Variants in MYO1C observed in about 807,000 individuals in gnomAD.
MYO1C encodes the protein unconventional myosin-Ic.
MYO1C carries 104 observed loss-of-function variants against 150.8 expected under a neutral mutation model. That is an observed-to-expected ratio of 0.69 (90% confidence interval 0.59 to 0.81). The LOEUF is 0.81. Ranked by LOEUF, MYO1C falls within the 30% of genes least tolerant of loss-of-function variation. MYO1C has a pLI of 0.00. For synonymous variants in MYO1C, 663 were observed against 579.9 expected (o/e 1.14, Z -2.06); for missense variants, 1,504 against 1,435.0 (o/e 1.05, Z -0.78).
chr17:1,478,326 G>T lies in MYO1C; in HGVS notation c.1295+84C>A. On this transcript the variant is annotated intron_variant, in intron 11 of 31. Coordinates refer to ENST00000648651, the MANE Select transcript of MYO1C (RefSeq NM_001080779.2). The surrounding 1 kb of genome is among the most constrained non-coding windows in gnomAD (Gnocchi z 6.3). Reference sequence around the variant, plus strand: ...GTCCCCGGCTGGCTGGGGAGTCACAGGGCAGGAATGAGAGGCTGGAGGACA... The same window carrying T: ...GTCCCCGGCTGGCTGGGGAGTCACATGGCAGGAATGAGAGGCTGGAGGACA... 6.3e-7 allele frequency: 1 copy of T among 1,582,740 alleles called. No individual in the cohort carries two copies. Among genetic ancestry groups the T allele is most frequent in the Non-Finnish European group, 8.7e-7 (1 of 1,151,780 alleles).
At chr17:1,468,676 T>G (rs539594483) in intron 25 of MYO1C, 180 bp from the exon 26 acceptor site, 28 of 624,488 alleles carry the variant, frequency 4.5e-5, no homozygotes, top group African/African-American at 4.4e-4. Flanking sequence ...TTCCTGACCC[T>G]CTGCCGCCAC....
chr17:1,479,912 G>C lies in MYO1C; in HGVS notation c.907-207C>G, dbSNP rs941082468. ...TGTAATCCCAGCACTTTGGGAGGCTGAGGCGGGAGGATCATCTGAGGTCAG... is the reference window on the plus strand; with the variant it reads ...TGTAATCCCAGCACTTTGGGAGGCTCAGGCGGGAGGATCATCTGAGGTCAG... On this transcript the variant is annotated intron_variant, in intron 7 of 31. Transcript: ENST00000648651. The surrounding 1 kb of genome is among the most constrained non-coding windows in gnomAD (Gnocchi z 4.2). 2.0e-5 allele frequency among the ~76,000 whole-genome samples: 3 copies of C among 152,120 alleles called. No individual in the cohort carries two copies. Among genetic ancestry groups the C allele is most frequent in the Non-Finnish European group, 4.4e-5 (3 of 68,010 alleles).
Position 1,487,640 on chromosome 17 carries a change from G to C in MYO1C, c.76-3337C>G, listed in dbSNP as rs556185617. Reference sequence around the variant, plus strand: ...AGGTTTAAAATCTAGAGGGAGGGCCGGGCGCGGTGGCTCACGCCTGTAATC... The same window carrying C: ...AGGTTTAAAATCTAGAGGGAGGGCCCGGCGCGGTGGCTCACGCCTGTAATC... On this transcript the variant is annotated intron_variant, in intron 1 of 31. Coordinates refer to ENST00000648651, the MANE Select transcript of MYO1C (RefSeq NM_001080779.2). 2.0e-5 allele frequency among the ~76,000 whole-genome samples: 3 copies of C among 152,346 alleles called. No homozygotes were observed. The South Asian group carries it at 6.2e-4, about 32-fold the overall frequency.
chr17:1,473,438 C>T (rs931731880), intron 17 of MYO1C, among the ~76,000 whole-genome samples: 4 of 151,994 alleles, frequency 2.6e-5, no homozygotes, highest in African/African-American at 4.8e-5. Flanking sequence ...ACGCTAGGGC[C>T]GGGAGGATGT....
At chr17:1,473,070 G>A (rs1011390204) in intron 17 of MYO1C, among the ~76,000 whole-genome samples, 11 of 152,230 alleles carry the variant, frequency 7.2e-5, no homozygotes, top group African/African-American at 2.4e-4. Context: ...CACGATGGCG[G>A]GTACCTGTAA....
chr17:1,488,344 C>T (rs995305207), intron 1 of MYO1C, among the ~76,000 whole-genome samples: 8 of 152,220 alleles, frequency 5.3e-5, no homozygotes, highest in African/African-American at 9.6e-5. Flanking sequence ...GGCTCCAGCA[C>T]TGGCAACCCC....
chr17:1,491,455 C>CCA (rs1555524134), intron 1 of MYO1C: 1 of 157,886 alleles, frequency 6.3e-6, no homozygotes, highest in African/African-American at 2.7e-5. Context: ...GGACCCCCCC[C>CCA]CCCCGCACGG....
intron 25 of MYO1C, chr17:1,468,909 G>A (rs2074237596): frequency 3.1e-6 from 1 of 327,574 alleles, no homozygotes; most frequent in South Asian, 2.8e-5. Flanking sequence ...CCTGTAATCA[G>A]GGCAGATATC....
chr17:1,474,918 C>T lies in MYO1C; in HGVS notation c.1669+20G>A, dbSNP rs1445308806. ...GCCTCCCCGCAGGCCCCTGTGGGGACACAGCCCCAGGATCCTCACCGGTCA... is the reference window on the plus strand; with the variant it reads ...GCCTCCCCGCAGGCCCCTGTGGGGATACAGCCCCAGGATCCTCACCGGTCA... On this transcript the variant is annotated intron_variant, in intron 15 of 31. Transcript: ENST00000648651. 1.2e-6 allele frequency: 2 copies of T among 1,610,012 alleles called. No homozygotes were observed. Among genetic ancestry groups the T allele is most frequent in the South Asian group, 2.2e-5 (2 of 90,598 alleles).
At position 1,482,490 on chromosome 17, in the gene MYO1C, C is replaced by A; in HGVS notation, c.615G>T (p.Gln205His). ...ACATCCATGGTACCTTGAAGTCAAACTGCACATCCATGTACTTCCCGAACC... is the reference window on the plus strand; with the variant it reads ...ACATCCATGGTACCTTGAAGTCAAAATGCACATCCATGTACTTCCCGAACC... The part of the protein sequence containing the change: ...SSRFGKYMDV[Q>H]FDFKGAPVGG... The change falls in exon 5 of 32, where the codon CAG (glutamine) becomes CAT (histidine). Residue 205 changes from glutamine to histidine, a missense_variant. By Grantham distance (24) the Gln-to-His change is conservative. Coordinates refer to ENST00000648651, the MANE Select transcript of MYO1C (RefSeq NM_001080779.2). 6.2e-7 allele frequency: 1 copy of A among 1,614,040 alleles called. No homozygotes were observed. The highest frequency in any genetic ancestry group is 8.5e-7 in the Non-Finnish European group (1 of 1,179,934).
At chr17:1,480,207 G>A (rs1402623561) in intron 7 of MYO1C, among the ~76,000 whole-genome samples, 3 of 148,524 alleles carry the variant, frequency 2.0e-5, no homozygotes, top group East Asian at 2.0e-4. Flanking sequence ...AGCACTTTGA[G>A]AGGCTGAGGC....
In MYO1C at chr17:1,492,428, G is replaced by T; in HGVS notation, c.60C>A (p.His20Gln). ...TGEIIRVVHP[H>Q]RPCKLALGSD... ...CCCAGCTTACAAGCTTGCAGGGCCT[G>T]TGGGGATGAACCACGCGGATGATCT... The change falls in exon 1 of 32, where the codon CAC becomes CAA. Residue 20 changes from histidine to glutamine, a missense_variant. His to Gln is a conservative substitution (Grantham distance 24). Coordinates refer to ENST00000648651, the MANE Select transcript of MYO1C (RefSeq NM_001080779.2). The T allele has an allele frequency of 6.2e-7, 1 of 1,606,864 alleles. No individual in the cohort carries two copies. The highest frequency in any genetic ancestry group is 8.5e-7 in the Non-Finnish European group (1 of 1,177,012).
chr17:1,487,730 C>T (rs951993809), intron 1 of MYO1C, among the ~76,000 whole-genome samples: 5 of 152,210 alleles, frequency 3.3e-5, no homozygotes, highest in Admixed American at 6.5e-5. Context: ...CCAGCCTGAC[C>T]AGCATGGCGA....
At chr17:1,487,753 G>C (rs1307709212) in intron 1 of MYO1C, among the ~76,000 whole-genome samples, 1 of 152,178 alleles carries the variant, frequency 6.6e-6, no homozygotes, top group Non-Finnish European at 1.5e-5. Flanking sequence ...CCCCCTCTCT[G>C]CTAGAAAATA....
chr17:1,472,456 T>C (rs1598327947), intron 17 of MYO1C: 1 of 565,820 alleles, frequency 1.8e-6, no homozygotes, highest in East Asian at 3.0e-5. Context: ...CACTCCAGCC[T>C]AAAACTCCTG....
Position 1,468,434 on chromosome 17 carries a change from A to G in MYO1C, c.2673T>C (p.Ser891=), listed in dbSNP as rs748188681. The change falls in exon 26 of 32, where the codon AGT becomes AGC. Residue 891 remains serine, a synonymous_variant. Transcript: ENST00000648651. The stretch of plus-strand genomic sequence containing the variant: ...GAGTGCTGATGAAGAGCCTGGGTAC[A>G]CTCTGAGGGTAATTATCCTTCTTGC... The part of the protein sequence containing the change: ...FKGKKDNYPQ[S]VPRLFISTRL... 2 of 1,613,786 alleles carry G rather than the reference A, an allele frequency of 1.2e-6. No homozygotes were observed. The highest frequency in any genetic ancestry group is 3.3e-5 in the Admixed American group (2 of 59,992).
In MYO1C at chr17:1,470,511, T is replaced by C. The variant is rs1301215041; in HGVS notation, c.2290A>G (p.Ile764Val). ...FLRVKRSAIC[I>V]QSWWRGTLGR... The stretch of plus-strand genomic sequence containing the variant: ...AGTGTTCCACGCCACCACGACTGGA[T>C]GCAGATGGCTGTCGTGGAGACCACA... Residue 764 changes from isoleucine to valine, a missense_variant, in exon 23 of 32, where the codon ATC becomes GTC. Physicochemically the swap from Ile to Val is conservative, Grantham distance 29 (BLOSUM62 3). Coordinates refer to ENST00000648651, the MANE Select transcript of MYO1C (RefSeq NM_001080779.2). 1 of 1,552,792 alleles carries C rather than the reference T, an allele frequency of 6.4e-7. No individual in the cohort carries two copies. The highest frequency in any genetic ancestry group is 2.4e-5 in the East Asian group (1 of 41,170).
At chr17:1,471,855 G>T (rs2074309788) in intron 19 of MYO1C, 52 bp downstream of exon 19, 3 of 1,569,392 alleles carry the variant, frequency 1.9e-6, no homozygotes, top group Non-Finnish European at 2.6e-6. Flanking sequence ...GGACCTAGGG[G>T]CTCCTACCCT....
In MYO1C at chr17:1,465,384, C is replaced by CT. The variant is rs1004846430; in HGVS notation, c.*341dup. 5 of 214,486 alleles carry CT rather than the reference C, an allele frequency of 2.3e-5. No individual in the cohort carries two copies. The highest frequency in any genetic ancestry group is 5.9e-5 in the Admixed American group (1 of 16,946). The allele number at this position is 214,486 out of a possible 1,614,324, so 13.3% of individuals were successfully genotyped here. ...CACTGTGTCCTTGGGTGGGAAATGGCTTTTTTTAAAAAATAGTTTCCTATA... is the reference window on the plus strand; with the variant it reads ...CACTGTGTCCTTGGGTGGGAAATGGCTTTTTTTTAAAAAATAGTTTCCTATA... On this transcript the variant is annotated 3_prime_UTR_variant, in exon 32 of 32. Transcript: ENST00000648651.
Sources: gnomAD v4.1 joint callset for allele counts (sites outside exome capture counted in the v4.1 genomes callset) on GRCh38, gnomAD v4.1.1 for gene constraint, Gnocchi (gnomAD v3.1) non-coding constraint, MANE v1.5 for transcripts, NCBI Gene and HGNC (gene_info 2026-07-23, HGNC 2026-07-21) for gene names.